Variants in VWC2 observed in about 807,000 individuals in gnomAD.
The protein encoded by VWC2 is von Willebrand factor C domain containing 2, also known as brorin.
In VWC2, 14 loss-of-function variants were observed where a neutral mutation model predicts 29.8. That is an observed-to-expected ratio of 0.47 (90% confidence interval 0.31 to 0.74). The LOEUF (loss-of-function observed/expected upper bound fraction) is 0.74. Ranked by LOEUF, VWC2 falls within the 30% of genes least tolerant of loss-of-function variation. The pLI, the probability that VWC2 is intolerant of heterozygous loss-of-function variation, is 0.05. For missense variants in VWC2, 457 were observed against 459.8 expected, an observed-to-expected ratio of 0.99 and a Z score of 0.05; for synonymous variants, 213 against 199.0, an observed-to-expected ratio of 1.07 and a Z score of -0.59.
intron 3 of VWC2, among the ~76,000 whole-genome samples, chr7:49,859,538 G>A (rs555773987): frequency 6.6e-6 from 1 of 152,256 alleles, no homozygotes; most frequent in South Asian, 2.1e-4. Context: ...CCCCAACAAT[G>A]GGACCCTCAG....
intron 3 of VWC2, among the ~76,000 whole-genome samples, chr7:49,860,240 AGT>A (rs1583696784): frequency 6.6e-6 from 1 of 152,324 alleles, no homozygotes; most frequent in East Asian, 1.9e-4. Flanking sequence ...CCGCCTGTTA[AGT>A]GGTATCTCCT....
At position 49,775,833 on chromosome 7, in the gene VWC2, C is replaced by T. The variant is rs1404914942; in HGVS notation, c.398C>T (p.Pro133Leu). The T allele has an allele frequency of 6.5e-6, 10 of 1,548,346 alleles. No homozygotes were observed. Among genetic ancestry groups the T allele is most frequent in the Admixed American group, 3.9e-5 (2 of 51,272 alleles). Residue 133 changes from proline to leucine, a missense_variant, in exon 2 of 4, where the codon CCG becomes CTG. Pro to Leu is a moderately conservative substitution (Grantham distance 98). Coordinates refer to ENST00000340652, the MANE Select transcript of VWC2 (RefSeq NM_198570.5). The part of the protein sequence containing the change: ...LAAAAQDAIG[P>L]ELAPTPEPPE... ...GCAGCCGCCCAGGACGCGATTGGCC[C>T]GGAACTCGCGCCCACGCCCGAGCCA...
intron 2 of VWC2, among the ~76,000 whole-genome samples, chr7:49,793,017 C>T (rs1460739427): frequency 1.3e-5 from 2 of 152,176 alleles, no homozygotes; most frequent in Non-Finnish European, 2.9e-5. Context: ...GCAGCTGCTC[C>T]CAGAGGCCCT....
At chr7:49,788,800 C>T (rs368246888) in intron 2 of VWC2, among the ~76,000 whole-genome samples, 5 of 119,214 alleles carry the variant, frequency 4.2e-5, no homozygotes, top group African/African-American at 1.6e-4. Flanking sequence ...GTGAGTGTGA[C>T]TGTGTGGGTG....
intron 3 of VWC2, among the ~76,000 whole-genome samples, chr7:49,905,388 T>C (rs1332219975): frequency 6.6e-6 from 1 of 152,204 alleles, no homozygotes; most frequent in Admixed American, 6.5e-5. Context: ...AGTACAATAG[T>C]TCCTCAGAGT....
chr7:49,906,502 AT>A (rs1338899347), intron 3 of VWC2, among the ~76,000 whole-genome samples: 1 of 151,792 alleles, frequency 6.6e-6, no homozygotes, highest in African/African-American at 2.4e-5. Flanking sequence ...CACCCAGCTA[AT>A]TTTTTTGTAT....
At chr7:49,908,864 C>A (rs561114412) in intron 3 of VWC2, among the ~76,000 whole-genome samples, 1 of 152,272 alleles carries the variant, frequency 6.6e-6, no homozygotes, top group Non-Finnish European at 1.5e-5. Flanking sequence ...AGAATAAAGA[C>A]TTCAATGTGT....
chr7:49,894,767 A>G (rs1358828768), intron 3 of VWC2, among the ~76,000 whole-genome samples: 1 of 152,158 alleles, frequency 6.6e-6, no homozygotes, highest in Non-Finnish European at 1.5e-5. Context: ...AGGCTCAACT[A>G]AAAATAGCCC....
Position 49,872,267 on chromosome 7 carries a change from A to G in VWC2, c.827-39767A>G, listed in dbSNP as rs1192718388. 2.6e-5 allele frequency among the ~76,000 whole-genome samples: 4 copies of G among 152,142 alleles called. No homozygotes were observed. In the East Asian group the frequency reaches 7.7e-4, roughly 29 times the overall value. ...ACAGAGGGGCTACTGTTGAAGAGACAGTGACTGAGGATTTTTGAGAAAAAA... is the reference window on the plus strand; with the variant it reads ...ACAGAGGGGCTACTGTTGAAGAGACGGTGACTGAGGATTTTTGAGAAAAAA... On this transcript the variant is annotated intron_variant, in intron 3 of 3. Coordinates refer to ENST00000340652, the MANE Select transcript of VWC2 (RefSeq NM_198570.5).
At chr7:49,811,728 C>A (rs941833599) in intron 3 of VWC2, among the ~76,000 whole-genome samples, 15 of 152,120 alleles carry the variant, frequency 9.9e-5, no homozygotes, top group Non-Finnish European at 1.8e-4. Context: ...TCAAGTGGTG[C>A]GCCTACTTTG....
chr7:49,898,313 G>GT (rs540380787), intron 3 of VWC2, among the ~76,000 whole-genome samples: 4,983 of 146,840 alleles, frequency 0.034, 301 homozygotes, highest in Admixed American at 0.16. Context: ...AAACATCGAA[G>GT]TTTTTTTTTT....
chr7:49,806,148 C>G (rs939677146), intron 3 of VWC2, among the ~76,000 whole-genome samples: 2 of 150,534 alleles, frequency 1.3e-5, no homozygotes, highest in African/African-American at 4.9e-5. Context: ...TTCAACTATT[C>G]AGCTTTTCTC....
At chr7:49,899,564 G>GT (rs1792594609) in intron 3 of VWC2, among the ~76,000 whole-genome samples, 1 of 151,962 alleles carries the variant, frequency 6.6e-6, no homozygotes, top group South Asian at 2.1e-4. Context: ...AACAAGGAAA[G>GT]TTATCAGCCA....
chr7:49,893,249 T>C (rs1792220984), intron 3 of VWC2, among the ~76,000 whole-genome samples: 1 of 152,074 alleles, frequency 6.6e-6, no homozygotes, highest in Non-Finnish European at 1.5e-5. Context: ...ATGCACTAGG[T>C]TCCACGAATC....
At chr7:49,867,507 C>T (rs1790950146) in intron 3 of VWC2, among the ~76,000 whole-genome samples, 1 of 152,186 alleles carries the variant, frequency 6.6e-6, no homozygotes, top group Admixed American at 6.5e-5. Context: ...CACAGTATGT[C>T]TCATGTGCTG....
chr7:49,774,449 C>T lies in VWC2; in HGVS notation c.-104+336C>T, dbSNP rs192421178. Among the ~76,000 whole-genome samples the T allele has an allele frequency of 8.1e-3, 1,239 of 152,336 alleles. 19 individuals are homozygous for T. The highest frequency in any genetic ancestry group is 0.028 in the African/African-American group (1,179 of 41,576). On this transcript the variant is annotated intron_variant, in intron 1 of 3. Transcript: ENST00000340652. ...GCGGCGTCTCGGGCTCTCCCAGCCCCTTTGGGCGGCAGAAACTTTGGAATC... is the reference window on the plus strand; with the variant it reads ...GCGGCGTCTCGGGCTCTCCCAGCCCTTTTGGGCGGCAGAAACTTTGGAATC...
intron 3 of VWC2, among the ~76,000 whole-genome samples, chr7:49,890,432 A>G (rs1792078367): frequency 6.6e-6 from 1 of 152,202 alleles, no homozygotes; most frequent in African/African-American, 2.4e-5. Context: ...TAAATTACAT[A>G]ATATGCTGTT....
chr7:49,850,848 T>C (rs1790147557), intron 3 of VWC2, among the ~76,000 whole-genome samples: 1 of 152,212 alleles, frequency 6.6e-6, no homozygotes, highest in Non-Finnish European at 1.5e-5. Flanking sequence ...GGTCAGGCAC[T>C]GTGCTGGCCA....
At chr7:49,795,211 C>G (rs1402119288) in intron 2 of VWC2, among the ~76,000 whole-genome samples, 2 of 152,160 alleles carry the variant, frequency 1.3e-5, no homozygotes, top group Non-Finnish European at 2.9e-5. Flanking sequence ...CTCTAATCAG[C>G]AAGATGGATG....
Sources: gnomAD v4.1 joint callset for allele counts (sites outside exome capture counted in the v4.1 genomes callset) on GRCh38, gnomAD v4.1.1 for gene constraint, MANE v1.5 for transcripts, NCBI Gene and HGNC (gene_info 2026-07-23, HGNC 2026-07-21) for gene names.